The following MAP3K7 variants were observed in gnomAD, a reference collection of about 807,000 sequenced individuals.
MAP3K7 encodes the protein TGF-beta activated kinase 1.
In MAP3K7, 21 loss-of-function variants were observed where a neutral mutation model predicts 84.8. That is an observed-to-expected ratio of 0.25 (90% CI 0.18 to 0.36). The LOEUF is 0.36. Ranked by LOEUF, MAP3K7 falls within the 10% of genes least tolerant of loss-of-function variation. The probability of loss-of-function intolerance (pLI) is 1.00; values close to 1 mark genes in which losing one functional copy is unlikely to be tolerated. For synonymous variants in MAP3K7, 241 were observed against 247.7 expected (o/e 0.97, Z 0.25); for missense variants, 503 against 747.7 (o/e 0.67, Z 3.82).
In MAP3K7 at chr6:90,514,358, T is replaced by G. The variant is rs1223385433; in HGVS notation, c.*2143A>C. On this transcript the variant is annotated 3_prime_UTR_variant, in exon 17 of 17. Coordinates refer to ENST00000369329, the MANE Select transcript of MAP3K7 (RefSeq NM_145331.3). ...ACAACACAACTACTTAAAAACAGAG[T>G]AAGGCTGAACTGTACTCAATGTCCA... 1 of 151,878 alleles carries G rather than the reference T, an allele frequency of 6.6e-6. No homozygotes were observed. The highest frequency in any genetic ancestry group is 1.5e-5 in the Non-Finnish European group (1 of 67,912). The allele number at this position is 151,878 out of a possible 1,614,324, so 9.4% of individuals were successfully genotyped here. A position where few individuals can be genotyped will look rare whatever the true frequency, so the allele number is the denominator to read the frequency against.
intron 9 of MAP3K7, among the ~76,000 whole-genome samples, chr6:90,548,669 T>C (rs1407935258): frequency 2.0e-5 from 3 of 151,852 alleles, no homozygotes; most frequent in Non-Finnish European, 4.4e-5. Flanking sequence ...TGCAGACAGA[T>C]AAGTGAAGAA....
intron 13 of MAP3K7, among the ~76,000 whole-genome samples, chr6:90,524,395 C>T (rs1775254306): frequency 6.6e-6 from 1 of 152,126 alleles, no homozygotes; most frequent in African/African-American, 2.4e-5. Context: ...CAACAAATCC[C>T]CAGCATAAGA....
chr6:90,517,015 G>A (rs905454109), intron 16 of MAP3K7, among the ~76,000 whole-genome samples: 2 of 151,834 alleles, frequency 1.3e-5, no homozygotes, highest in South Asian at 4.1e-4. Flanking sequence ...ATGTGGCTAT[G>A]GGAAAATATC....
chr6:90,534,025 A>C (rs1466083427), intron 13 of MAP3K7, among the ~76,000 whole-genome samples: 2 of 152,192 alleles, frequency 1.3e-5, no homozygotes, highest in East Asian at 1.9e-4. Flanking sequence ...AGCTTGCTTC[A>C]TTTACTGTTC....
chr6:90,547,147 T>C, intron 11 of MAP3K7, 111 bp downstream of exon 11: 1 of 1,188,586 alleles, frequency 8.4e-7, no homozygotes, highest in Non-Finnish European at 1.2e-6. Flanking sequence ...ACCTACTTCC[T>C]ATTTAAAAAA....
intron 5 of MAP3K7, among the ~76,000 whole-genome samples, chr6:90,557,183 T>G (rs1776362586): frequency 6.6e-6 from 1 of 152,182 alleles, no homozygotes; most frequent in African/African-American, 2.4e-5. Flanking sequence ...AATGACCTAA[T>G]GAGAGATTTC....
At chr6:90,530,102 T>C (rs1775459093) in intron 13 of MAP3K7, among the ~76,000 whole-genome samples, 1 of 152,232 alleles carries the variant, frequency 6.6e-6, no homozygotes, top group Admixed American at 6.5e-5. Flanking sequence ...TTTCTTTGAC[T>C]GAAAGCAAGT....
chr6:90,549,210 T>C (rs752272372), intron 9 of MAP3K7, among the ~76,000 whole-genome samples: 9 of 151,980 alleles, frequency 5.9e-5, no homozygotes, highest in Non-Finnish European at 7.4e-5. Flanking sequence ...TGGGCACAGA[T>C]GTTGTGGAAG....
At position 90,561,613 on chromosome 6, in the gene MAP3K7, G is replaced by T. The variant is rs141142155; in HGVS notation, c.343+9C>A. 1.4e-3 allele frequency: 2,254 copies of T among 1,599,832 alleles called. 45 individuals carry two copies. The East Asian group carries it at 0.041, about 29-fold the overall frequency. ...TCCACTAGATAAAGACAGGTCTAAT[G>T]ACACTCACCATTATATAAAGAGCCC... On this transcript the variant is annotated intron_variant, in intron 4 of 16. Transcript: ENST00000369329.
At chr6:90,539,668 G>A (rs139356582) in intron 12 of MAP3K7, among the ~76,000 whole-genome samples, 66 of 151,878 alleles carry the variant, frequency 4.3e-4, no homozygotes, top group African/African-American at 1.5e-3. Flanking sequence ...TATTAAAAAA[G>A]TGATATTTTC....
chr6:90,564,816 G>C (rs547438845), intron 3 of MAP3K7, among the ~76,000 whole-genome samples: 1 of 152,118 alleles, frequency 6.6e-6, no homozygotes, highest in Non-Finnish European at 1.5e-5. Context: ...CCACATAGTT[G>C]CAAGTAAAAC....
intron 14 of MAP3K7, 38 bp downstream of exon 14, chr6:90,523,640 G>A (rs769265587): frequency 2.2e-6 from 3 of 1,333,872 alleles, no homozygotes; most frequent in East Asian, 4.6e-5. Flanking sequence ...AAACATGACT[G>A]ATTCAACTTC....
chr6:90,516,143 A>G lies in MAP3K7; in HGVS notation c.*358T>C. ...TCATTCTTGAGGTTCCACCTCTAAT[A>G]TGAAAAAATGGACGCTGTTTGCACA... is the stretch of plus-strand genomic sequence containing the variant. On this transcript the variant is annotated 3_prime_UTR_variant, in exon 17 of 17. Coordinates refer to ENST00000369329, the MANE Select transcript of MAP3K7 (RefSeq NM_145331.3). 1 of 215,286 alleles carries G rather than the reference A, an allele frequency of 4.6e-6. No homozygotes were observed. The highest frequency in any genetic ancestry group is 9.1e-6 in the Non-Finnish European group (1 of 109,356). 13.3% of individuals were successfully genotyped at this position (215,286 alleles called of 1,614,324 possible).
At chr6:90,539,353 A>G (rs1318740221) in intron 12 of MAP3K7, among the ~76,000 whole-genome samples, 1 of 151,900 alleles carries the variant, frequency 6.6e-6, no homozygotes, top group Non-Finnish European at 1.5e-5. Flanking sequence ...TAACTTCCCT[A>G]TTTAATATGC....
At chr6:90,517,090 T>C (rs372763870) in intron 16 of MAP3K7, among the ~76,000 whole-genome samples, 1 of 151,876 alleles carries the variant, frequency 6.6e-6, no homozygotes, top group African/African-American at 2.4e-5. Context: ...ACAATCCTAC[T>C]TAACTATAGC....
At chr6:90,530,872 C>T (rs1038356062) in intron 13 of MAP3K7, among the ~76,000 whole-genome samples, 1 of 152,104 alleles carries the variant, frequency 6.6e-6, no homozygotes, top group African/African-American at 2.4e-5. Flanking sequence ...TTTTACAGTA[C>T]TTATTTTTTA....
intron 13 of MAP3K7, among the ~76,000 whole-genome samples, chr6:90,525,565 T>A (rs1255526169): frequency 6.6e-6 from 1 of 151,534 alleles, no homozygotes; most frequent in African/African-American, 2.4e-5. Flanking sequence ...ATATCCACCA[T>A]CACAGTGAGA....
chr6:90,540,815 C>T (rs1775832948), intron 12 of MAP3K7, among the ~76,000 whole-genome samples: 1 of 151,796 alleles, frequency 6.6e-6, no homozygotes, highest in African/African-American at 2.4e-5. Context: ...AAAGGTTGTT[C>T]CTCTTTTTTT....
In MAP3K7 at chr6:90,586,677, C is replaced by T. The variant is rs1777469810; in HGVS notation, c.120+87G>A. On this transcript the variant is annotated intron_variant, in intron 1 of 16. Transcript: ENST00000369329. ...GCAGGGTCCCGCGAATTAGAGGGGC[C>T]CCGGGAGGCACCTTCAGAGCCGGCA... The T allele has an allele frequency of 8.0e-6, 12 of 1,502,386 alleles. 1 individual carries two copies. Among genetic ancestry groups the T allele is most frequent in the South Asian group, 5.1e-5 (4 of 78,628 alleles). The allele number at this position is 1,502,386 out of a possible 1,614,324, so 93.1% of individuals were successfully genotyped here.
Sources: gnomAD v4.1 joint callset for allele counts (sites outside exome capture counted in the v4.1 genomes callset) on GRCh38, gnomAD v4.1.1 for gene constraint, MANE v1.5 for transcripts, NCBI Gene and HGNC (gene_info 2026-07-23, HGNC 2026-07-21) for gene names.